The following ICA1 variants were observed in gnomAD, a reference collection of about 807,000 sequenced individuals.
ICA1 encodes the protein islet cell autoantigen 1.
Under a neutral mutation model 71.0 loss-of-function variants are expected in ICA1, and 40 were observed. That is an observed-to-expected ratio of 0.56 (90% CI 0.44 to 0.73). ICA1 has a LOEUF of 0.73. Ranked by LOEUF, ICA1 falls within the 30% of genes least tolerant of loss-of-function variation. The pLI is 0.00. For synonymous variants in ICA1, 207 were observed against 209.5 expected (o/e 0.99, Z 0.10); for missense variants, 578 against 576.5 (o/e 1.00, Z -0.03).
At chr7:8,205,026 T>C (rs1476259807) in intron 6 of ICA1, among the ~76,000 whole-genome samples, 1 of 150,318 alleles carries the variant, frequency 6.7e-6, no homozygotes, top group African/African-American at 2.4e-5. Context: ...CATTGTCTGG[T>C]TTCACATCAT....
intron 10 of ICA1, among the ~76,000 whole-genome samples, chr7:8,139,719 C>A (rs1036613884): frequency 1.3e-5 from 2 of 152,138 alleles, no homozygotes; most frequent in South Asian, 4.1e-4. Flanking sequence ...AACAAATATA[C>A]CACCTGGTGT....
intron 6 of ICA1, among the ~76,000 whole-genome samples, chr7:8,202,575 T>C (rs996947599): frequency 6.6e-6 from 1 of 152,224 alleles, no homozygotes; most frequent in African/African-American, 2.4e-5. Flanking sequence ...ACATTCTTCA[T>C]TTATGATTTC....
At chr7:8,150,065 AT>A (rs1324798976) in intron 8 of ICA1, among the ~76,000 whole-genome samples, 1 of 152,246 alleles carries the variant, frequency 6.6e-6, no homozygotes, top group Non-Finnish European at 1.5e-5. Context: ...TTAGAGAAAA[AT>A]AATCACAATC....
rs117479232 is a variant in ICA1 at position 8,152,016 on chromosome 7, T to C, written c.804+5100A>G. 9.9e-3 allele frequency among the ~76,000 whole-genome samples: 1,515 copies of C among 152,280 alleles called. 12 individuals are homozygous for C. Among genetic ancestry groups the C allele is most frequent in the South Asian group, 0.037 (177 of 4,826 alleles). On this transcript the variant is annotated intron_variant, in intron 8 of 13. Coordinates refer to ENST00000402384, the MANE Select transcript of ICA1 (RefSeq NM_001136020.3). Reference sequence around the variant, plus strand: ...AAAGCCAAATTGCATTTTTTAGAATTAGCCCTGTTGCAGAGATGGGAGGCC... The same window carrying C: ...AAAGCCAAATTGCATTTTTTAGAATCAGCCCTGTTGCAGAGATGGGAGGCC...
At chr7:8,197,158 T>C (rs895368288) in intron 6 of ICA1, among the ~76,000 whole-genome samples, 1 of 151,234 alleles carries the variant, frequency 6.6e-6, no homozygotes, top group African/African-American at 2.4e-5. Context: ...ATATCCTTAA[T>C]GTAGATGCTG....
chr7:8,216,081 T>C (rs1221307730), intron 6 of ICA1, among the ~76,000 whole-genome samples: 1 of 152,220 alleles, frequency 6.6e-6, no homozygotes, highest in African/African-American at 2.4e-5. Flanking sequence ...ACTTCTTACC[T>C]GCAAAACCAC....
chr7:8,210,693 T>A (rs1388800685), intron 6 of ICA1, among the ~76,000 whole-genome samples: 1 of 151,954 alleles, frequency 6.6e-6, no homozygotes, highest in African/African-American at 2.4e-5. Context: ...CTAACCATTA[T>A]AGCCAAAGGA....
chr7:8,120,992 C>T (rs1052046179), intron 13 of ICA1, among the ~76,000 whole-genome samples: 1 of 152,188 alleles, frequency 6.6e-6, no homozygotes, highest in African/African-American at 2.4e-5. Flanking sequence ...CATCCTGACA[C>T]CCACAGTTCC....
rs1427401408 is a variant in ICA1 at position 8,226,213 on chromosome 7, T to C, written c.256+2388A>G. 1.3e-5 allele frequency among the ~76,000 whole-genome samples: 2 copies of C among 152,150 alleles called. No homozygotes were observed. The highest frequency in any genetic ancestry group is 3.8e-4 in the East Asian group (2 of 5,200). On this transcript the variant is annotated intron_variant, in intron 4 of 13. Transcript: ENST00000402384. This position sits in a 1 kb window ranked among gnomAD's most constrained non-coding sequence, Gnocchi z 4.4. The stretch of plus-strand genomic sequence containing the variant: ...TATCTCATAGCTCCCTCTTCACCTT[T>C]GCTCCTCCATTCTCATTCCCTCCTC...
At chr7:8,236,032 G>A in intron 1 of ICA1, 27 bp from the exon 2 acceptor site, 3 of 1,155,044 alleles carry the variant, frequency 2.6e-6, no homozygotes, top group Non-Finnish European at 3.8e-6. Context: ...ATGTTTAATA[G>A]TTACACACCA....
At chr7:8,209,695 G>A in intron 6 of ICA1, among the ~76,000 whole-genome samples, 1 of 152,160 alleles carries the variant, frequency 6.6e-6, no homozygotes, top group African/African-American at 2.4e-5. Flanking sequence ...AAGTGCAACA[G>A]GAACAGTGCA....
chr7:8,129,455 G>A (rs749105765), intron 12 of ICA1, among the ~76,000 whole-genome samples: 33 of 152,090 alleles, frequency 2.2e-4, no homozygotes, highest in Non-Finnish European at 4.0e-4. Context: ...AAAGATGAAG[G>A]GGATTTCTGA....
chr7:8,139,326 G>A (rs1280760088), intron 10 of ICA1, among the ~76,000 whole-genome samples: 2 of 152,204 alleles, frequency 1.3e-5, no homozygotes, highest in Non-Finnish European at 2.9e-5. Context: ...TGTGACTTAA[G>A]TAACTGACTA....
rs183533917 is a variant in ICA1, at chr7:8,214,556, C to T, written c.579+3749G>A. On this transcript the variant is annotated intron_variant, in intron 6 of 13. Transcript: ENST00000402384. The stretch of plus-strand genomic sequence containing the variant: ...AGCCACACTCTCCAGGTATCCCGTC[C>T]CTCATGGTCATATTGACAAGGAGCA... Among the ~76,000 whole-genome samples, 4 of 152,276 alleles carry T rather than the reference C, an allele frequency of 2.6e-5. No homozygotes were observed. In the East Asian group the frequency reaches 7.7e-4, roughly 29 times the overall value.
intron 4 of ICA1, among the ~76,000 whole-genome samples, chr7:8,225,698 C>A (rs747497166): frequency 1.3e-5 from 2 of 152,182 alleles, no homozygotes; most frequent in Non-Finnish European, 2.9e-5. Context: ...ATGTATCTAT[C>A]TGTATAGATA....
chr7:8,123,570 A>T lies in ICA1; in HGVS notation c.1330+4303T>A, dbSNP rs555609811. On this transcript the variant is annotated intron_variant, in intron 13 of 13. Transcript: ENST00000402384. The surrounding 1 kb of genome is among the most constrained non-coding windows in gnomAD (Gnocchi z 4.1). ...AATGTAGCTGCTGGCACACAGGAAC[A>T]AGATTTCCTAGGACAATCTCAATTT... Among the ~76,000 whole-genome samples, 3 of 152,324 alleles carry T rather than the reference A, an allele frequency of 2.0e-5. No individual in the cohort carries two copies. The highest frequency in any genetic ancestry group is 4.8e-5 in the African/African-American group (2 of 41,560).
intron 1 of ICA1, 55 bp downstream of exon 1, chr7:8,262,039 C>G (rs533916842): frequency 6.6e-6 from 1 of 152,332 alleles, no homozygotes; most frequent in South Asian, 2.1e-4. Context: ...GCGTCTCCTG[C>G]TGCTTCCTGC....
Position 8,130,092 on chromosome 7 carries a change from T to C in ICA1, c.1061-1950A>G, listed in dbSNP as rs1392609233. Among the ~76,000 whole-genome samples the C allele has an allele frequency of 2.6e-5, 4 of 152,168 alleles. No individual in the cohort carries two copies. Among genetic ancestry groups the C allele is most frequent in the Non-Finnish European group, 4.4e-5 (3 of 68,028 alleles). On this transcript the variant is annotated intron_variant, in intron 12 of 13. Coordinates refer to ENST00000402384, the MANE Select transcript of ICA1 (RefSeq NM_001136020.3). The surrounding 1 kb of genome is among the most constrained non-coding windows in gnomAD (Gnocchi z 4.2). ...GTGTATATGTGCCACATTTTCTTAA[T>C]CCAGTCTATCATTGTTGGACATTTG...
At chr7:8,209,941 C>T (rs991782669) in intron 6 of ICA1, among the ~76,000 whole-genome samples, 2 of 151,842 alleles carry the variant, frequency 1.3e-5, no homozygotes, top group Middle Eastern at 3.2e-3. Flanking sequence ...GGAAGAGAGG[C>T]GGGAGGGAAA....
Sources: gnomAD v4.1 joint callset for allele counts (sites outside exome capture counted in the v4.1 genomes callset) on GRCh38, gnomAD v4.1.1 for gene constraint, Gnocchi (gnomAD v3.1) non-coding constraint, MANE v1.5 for transcripts, NCBI Gene and HGNC (gene_info 2026-07-23, HGNC 2026-07-21) for gene names.